The following NAV1 variants were observed in gnomAD, a reference collection of about 807,000 sequenced individuals.
The protein encoded by NAV1 is neuron navigator 1.
Under a neutral mutation model 175.2 loss-of-function variants are expected in NAV1, and 18 were observed. The observed-to-expected ratio is 0.10, with a 90% CI of 0.07 to 0.15. The LOEUF (loss-of-function observed/expected upper bound fraction) is 0.15, where lower values mean the gene tolerates loss of function less well. Ranked by LOEUF, NAV1 falls within the 10% of genes least tolerant of loss-of-function variation. The pLI is 1.00. For missense variants in NAV1, 1,731 were observed against 2,436.6 expected (o/e 0.71, Z 6.10); for synonymous variants, 897 against 978.7 (o/e 0.92, Z 1.56).
At chr1:201,607,006 G>A (rs185877640) in intron 2 of NAV1, among the ~76,000 whole-genome samples, 354 of 152,136 alleles carry the variant, frequency 2.3e-3, no homozygotes, top group African/African-American at 8.0e-3. Flanking sequence ...AATAATCAGA[G>A]TCCCAAGCAA....
At chr1:201,817,274 T>G (rs1228111417) in exon 29 of NAV1, 2 of 1,614,100 alleles carry the variant, frequency 1.2e-6, no homozygotes, top group East Asian at 4.5e-5. Flanking sequence ...TTCTCTGGAC[T>G]CAGATCCTCT....
exon 30 of NAV1, chr1:201,823,616 A>G (rs772839213): frequency 1.3e-5 from 2 of 152,202 alleles, no homozygotes; most frequent in African/African-American, 2.4e-5. Flanking sequence ...AAGACCCTAC[A>G]ATGAAATGTT....
chr1:201,698,773 G>A (rs1260209113), intron 1 of NAV1, among the ~76,000 whole-genome samples: 2 of 152,216 alleles, frequency 1.3e-5, no homozygotes, highest in East Asian at 3.9e-4. Flanking sequence ...TTAGGGACAG[G>A]CCTGGGGGTG....
chr1:201,589,856 T>G (rs1465080541), intron 2 of NAV1, among the ~76,000 whole-genome samples: 1 of 152,098 alleles, frequency 6.6e-6, no homozygotes, highest in Non-Finnish European at 1.5e-5. Context: ...TGTAGCTTGA[T>G]TCTCACAACC....
chr1:201,575,180 T>C (rs375646851), intron 1 of NAV1, among the ~76,000 whole-genome samples: 5 of 152,316 alleles, frequency 3.3e-5, no homozygotes, highest in East Asian at 1.9e-4. Flanking sequence ...TGCTTCCCTT[T>C]TCCTGGGAAT....
At chr1:201,811,802 G>A in intron 25 of NAV1, 45 bp downstream of exon 29, 1 of 1,607,080 alleles carries the variant, frequency 6.2e-7, no homozygotes, top group South Asian at 1.1e-5. Context: ...AGTGGGAGGA[G>A]GGAGAACCCA....
intron 1 of NAV1, among the ~76,000 whole-genome samples, chr1:201,559,139 G>A (rs1298521571): frequency 6.6e-6 from 1 of 152,110 alleles, no homozygotes; most frequent in Non-Finnish European, 1.5e-5. Context: ...TTAGCATAGC[G>A]CCAGGCATAT....
chr1:201,785,056 C>T (rs1035783089), intron 7 of NAV1, among the ~76,000 whole-genome samples: 12 of 152,236 alleles, frequency 7.9e-5, no homozygotes, highest in African/African-American at 2.7e-4. Flanking sequence ...GCGTGAGCTA[C>T]GGCGCCCGGC....
chr1:201,579,594 G>T (rs910874420), intron 1 of NAV1, among the ~76,000 whole-genome samples: 17 of 152,132 alleles, frequency 1.1e-4, no homozygotes, highest in African/African-American at 4.1e-4. Context: ...GGTGTCAAGT[G>T]ATCCACCCAC....
chr1:201,775,054 C>T (rs1675850592), intron 3 of NAV1, among the ~76,000 whole-genome samples: 1 of 152,138 alleles, frequency 6.6e-6, no homozygotes, highest in African/African-American at 2.4e-5. Flanking sequence ...AGAGGTAAGT[C>T]TAAAAACAAG....
rs180699034 is a variant in NAV1, at chr1:201,614,785, A to C, written c.-32-8068A>C. On this transcript the variant is annotated intron_variant, in intron 2 of 33. Coordinates refer to the NAV1 transcript ENST00000685211. ...TCTGGAGCTAGACTGTTTGGATCTAATCTTGACTCTGCCATTTACTAGCTG... is the reference window on the plus strand; with the variant it reads ...TCTGGAGCTAGACTGTTTGGATCTACTCTTGACTCTGCCATTTACTAGCTG... 1.8e-4 allele frequency among the ~76,000 whole-genome samples: 28 copies of C among 152,254 alleles called. No individual in the cohort carries two copies. In the East Asian group the frequency reaches 5.0e-3, roughly 27 times the overall value.
intron 1 of NAV1, 49 bp downstream of exon 5, chr1:201,649,474 A>G (rs1392053157): frequency 7.1e-7 from 1 of 1,411,134 alleles, no homozygotes; most frequent in Non-Finnish European, 9.2e-7. Flanking sequence ...TCTCCTAACC[A>G]GCTGCTGGGG....
exon 1 of NAV1, chr1:201,648,892 G>T: frequency 6.2e-7 from 1 of 1,612,678 alleles, no homozygotes; most frequent in Non-Finnish European, 8.5e-7. Context: ...GTGGACAGCC[G>T]TGTCCCCGGC....
In NAV1 at chr1:201,812,722, C is replaced by T. The variant is rs1022728408; in HGVS notation, c.5221+61C>T. 3 of 1,421,630 alleles carry T rather than the reference C, an allele frequency of 2.1e-6. No individual in the cohort carries two copies. In the African/African-American group the frequency reaches 4.2e-5, roughly 20 times the overall value. The allele number at this position is 1,421,630 out of a possible 1,614,324, so 88.1% of individuals were successfully genotyped here. On this transcript the variant is annotated intron_variant, in intron 27 of 29. Transcript: ENST00000367296. The surrounding 1 kb of genome is among the most constrained non-coding windows in gnomAD (Gnocchi z 4.6). ...TGGCTTCCCTTTTCCACTGTACCACCTGGAGGGATGCTCCCTTCTCTTCCT... is the reference window on the plus strand; with the variant it reads ...TGGCTTCCCTTTTCCACTGTACCACTTGGAGGGATGCTCCCTTCTCTTCCT...
chr1:201,591,594 T>C (rs80183702), intron 2 of NAV1, among the ~76,000 whole-genome samples: 3,042 of 152,306 alleles, frequency 0.02, 35 homozygotes, highest in Middle Eastern at 0.031. Context: ...TGCAGATGTA[T>C]GCAAATCTCT....
At position 201,625,176 on chromosome 1, in the gene NAV1, G is replaced by A. The variant is rs59677341; in HGVS notation, c.-101+1570G>A. Among the ~76,000 whole-genome samples, 191 of 152,322 alleles carry A rather than the reference G, an allele frequency of 1.3e-3. 2 individuals carry two copies. The East Asian group carries it at 0.014, about 12-fold the overall frequency. Reference sequence around the variant, plus strand: ...ACGTTGCTGGGGGATCAAAAAAGGTGTTATAGGATGATGAAAGGAACTGAA... The same window carrying A: ...ACGTTGCTGGGGGATCAAAAAAGGTATTATAGGATGATGAAAGGAACTGAA... On this transcript the variant is annotated intron_variant, in intron 1 of 29. Transcript: ENST00000367302.
intron 3 of NAV1, among the ~76,000 whole-genome samples, chr1:201,743,429 T>C (rs975036694): frequency 9.9e-5 from 15 of 152,266 alleles, no homozygotes; most frequent in Admixed American, 4.6e-4. Flanking sequence ...ACTCCACTAC[T>C]AATTAGCTTT....
At chr1:201,619,852 T>TA, upstream of NAV1, among the ~76,000 whole-genome samples, 1 of 152,356 alleles carries the variant, frequency 6.6e-6, no homozygotes. Flanking sequence ...AAGCTGGTGA[T>TA]AATTCCCTGG....
upstream of NAV1, among the ~76,000 whole-genome samples, chr1:201,620,170 G>T (rs1416771862): frequency 1.3e-5 from 2 of 152,174 alleles, no homozygotes; most frequent in Non-Finnish European, 2.9e-5. Context: ...GTCAGGGAAA[G>T]GTCAGCAACA....
Sources: gnomAD v4.1 joint callset for allele counts (sites outside exome capture counted in the v4.1 genomes callset) on GRCh38, gnomAD v4.1.1 for gene constraint, Gnocchi (gnomAD v3.1) non-coding constraint, MANE v1.5 for transcripts, NCBI Gene and HGNC (gene_info 2026-07-23, HGNC 2026-07-21) for gene names.